Variants in AGBL4 observed in about 807,000 individuals in gnomAD.
AGBL4 encodes the protein cytosolic carboxypeptidase 6.
In AGBL4, 58 loss-of-function variants were observed where a neutral mutation model predicts 66.4. That is an observed-to-expected ratio of 0.87 (90% CI 0.71 to 1.09). The LOEUF (loss-of-function observed/expected upper bound fraction) is 1.09. AGBL4 is among the 50% of genes least tolerant of loss of function. AGBL4 has a pLI of 0.00. For missense variants in AGBL4, 579 were observed against 631.0 expected (o/e 0.92, Z 0.88); for synonymous variants, 234 against 222.9 (o/e 1.05, Z -0.44).
chr1:48,830,581 G>C (rs1470031971), intron 6 of AGBL4, among the ~76,000 whole-genome samples: 1 of 152,178 alleles, frequency 6.6e-6, no homozygotes, highest in Non-Finnish European at 1.5e-5. Flanking sequence ...ATGAACAAAT[G>C]GTTTAGATGC....
chr1:49,060,821 G>A (rs1053609907), intron 4 of AGBL4, among the ~76,000 whole-genome samples: 1 of 152,182 alleles, frequency 6.6e-6, no homozygotes, highest in Non-Finnish European at 1.5e-5. Context: ...GGGAATGCTT[G>A]TTCACTGAAC....
chr1:49,503,838 T>C (rs139660909), intron 3 of AGBL4, among the ~76,000 whole-genome samples: 1 of 152,242 alleles, frequency 6.6e-6, no homozygotes, highest in East Asian at 1.9e-4. Context: ...TGGCTCATAA[T>C]TGGAAGGGAC....
rs150256367 is a variant in AGBL4, at chr1:48,571,929, C to T, written c.1267+15075G>A. On this transcript the variant is annotated intron_variant, in intron 11 of 13. Transcript: ENST00000371839. ...CTCAAACAAGAAGCTACTCTGTCCT[C>T]TCTTGGGGAGGCAGAAGTGACAGAC... is the stretch of plus-strand genomic sequence containing the variant. Among the ~76,000 whole-genome samples, 9 of 152,268 alleles carry T rather than the reference C, an allele frequency of 5.9e-5. No individual in the cohort carries two copies. The East Asian group carries it at 7.7e-4, about 13-fold the overall frequency.
chr1:49,283,260 C>G (rs979330042), intron 3 of AGBL4, among the ~76,000 whole-genome samples: 2 of 152,180 alleles, frequency 1.3e-5, no homozygotes, highest in Non-Finnish European at 2.9e-5. Flanking sequence ...AGCAGGGGCA[C>G]ACTGACACCT....
intron 1 of AGBL4, among the ~76,000 whole-genome samples, chr1:49,862,343 A>G (rs1032350278): frequency 1.2e-5 from 1 of 83,884 alleles, no homozygotes; most frequent in Admixed American, 1.5e-4. Context: ...TTGATAATAC[A>G]TATAGGAGAC....
At position 48,736,430 on chromosome 1, in the gene AGBL4, C is replaced by T. The variant is rs1331180704; in HGVS notation, c.635-73189G>A. On this transcript the variant is annotated intron_variant, in intron 6 of 13. Coordinates refer to ENST00000371839, the MANE Select transcript of AGBL4 (RefSeq NM_032785.4). The surrounding 1 kb of genome is among the most constrained non-coding windows in gnomAD (Gnocchi z 4.0). Reference sequence around the variant, plus strand: ...CTGGTGCCATTTCTCCTCATCAACCCAAATCCCGCTTCCCAGATGGACCTG... The same window carrying T: ...CTGGTGCCATTTCTCCTCATCAACCTAAATCCCGCTTCCCAGATGGACCTG... The T allele has an allele frequency of 6.2e-7, 1 of 1,614,144 alleles. No individual in the cohort carries two copies. The highest frequency in any genetic ancestry group is 8.5e-7 in the Non-Finnish European group (1 of 1,180,032).
At chr1:49,908,368 T>C (rs1650478639) in intron 1 of AGBL4, among the ~76,000 whole-genome samples, 1 of 152,180 alleles carries the variant, frequency 6.6e-6, no homozygotes, top group Non-Finnish European at 1.5e-5. Context: ...TTCTTCTTGG[T>C]GCTGTCTTCA....
At chr1:49,691,932 A>G (rs1167234743) in intron 3 of AGBL4, among the ~76,000 whole-genome samples, 2 of 152,160 alleles carry the variant, frequency 1.3e-5, no homozygotes, top group Non-Finnish European at 2.9e-5. Flanking sequence ...CTCAGCCTGC[A>G]GATGGCCTAT....
intron 3 of AGBL4, among the ~76,000 whole-genome samples, chr1:49,303,978 A>T (rs916247867): frequency 3.3e-5 from 5 of 152,116 alleles, no homozygotes; most frequent in African/African-American, 1.2e-4. Context: ...GAAGCTCTTT[A>T]GTTTAATTAA....
intron 6 of AGBL4, among the ~76,000 whole-genome samples, chr1:48,798,125 T>A (rs1645731649): frequency 2.0e-5 from 3 of 152,178 alleles, no homozygotes; most frequent in African/African-American, 7.2e-5. Context: ...TTTTACCACA[T>A]CCATGCCAAC....
intron 3 of AGBL4, among the ~76,000 whole-genome samples, chr1:49,563,381 T>G (rs1382148022): frequency 6.6e-6 from 1 of 152,136 alleles, no homozygotes; most frequent in African/African-American, 2.4e-5. Context: ...ATCCCTGTCT[T>G]GTGCCAGTTT....
At chr1:48,777,447 G>A (rs1010180448) in intron 6 of AGBL4, among the ~76,000 whole-genome samples, 2 of 143,970 alleles carry the variant, frequency 1.4e-5, no homozygotes, top group African/African-American at 2.5e-5. Context: ...CACCCTCCCC[G>A]CGCCTTTCCC....
At chr1:49,107,247 C>T (rs1026356884) in intron 4 of AGBL4, among the ~76,000 whole-genome samples, 2 of 152,006 alleles carry the variant, frequency 1.3e-5, no homozygotes, top group African/African-American at 4.8e-5. Flanking sequence ...ATGAGATATT[C>T]AAAACTTTAG....
intron 3 of AGBL4, among the ~76,000 whole-genome samples, chr1:49,562,064 A>G (rs924644239): frequency 2.0e-5 from 3 of 152,100 alleles, no homozygotes; most frequent in Admixed American, 6.6e-5. Flanking sequence ...GCCAGTGATG[A>G]TGAGCATTTT....
At chr1:49,960,551 A>G (rs1334416086) in intron 1 of AGBL4, among the ~76,000 whole-genome samples, 1 of 152,092 alleles carries the variant, frequency 6.6e-6, no homozygotes, top group Admixed American at 6.6e-5. Context: ...TAAAATAGCT[A>G]GAAGGAAGAT....
intron 3 of AGBL4, among the ~76,000 whole-genome samples, chr1:49,603,831 C>T (rs1268509560): frequency 6.6e-6 from 1 of 151,802 alleles, no homozygotes; most frequent in African/African-American, 2.4e-5. Context: ...TTTTCCATTC[C>T]TGAGTTACTT....
intron 2 of AGBL4, among the ~76,000 whole-genome samples, chr1:49,747,085 G>A (rs1379859252): frequency 6.6e-6 from 1 of 152,134 alleles, no homozygotes; most frequent in Non-Finnish European, 1.5e-5. Flanking sequence ...TAGCATCTTT[G>A]AGTTAGTCAA....
rs1653575113 is a variant in AGBL4, at chr1:48,916,272, G to A, written c.595-49042C>T. ...GTACAGGGAAAATGGTTCCCCTGCA[G>A]TTAGAGCATAAACTTTCCCATCTGG... On this transcript the variant is annotated intron_variant, in intron 5 of 13. Coordinates refer to ENST00000371839, the MANE Select transcript of AGBL4 (RefSeq NM_032785.4). Among the ~76,000 whole-genome samples the A allele has an allele frequency of 2.6e-5, 4 of 152,198 alleles. No homozygotes were observed. In the South Asian group the frequency reaches 8.3e-4, roughly 31 times the overall value.
At chr1:48,922,893 G>C in intron 5 of AGBL4, among the ~76,000 whole-genome samples, 1 of 151,128 alleles carries the variant, frequency 6.6e-6, no homozygotes, top group African/African-American at 2.4e-5. Flanking sequence ...ATATATAAAT[G>C]ATATATAACT....
Sources: gnomAD v4.1 joint callset for allele counts (sites outside exome capture counted in the v4.1 genomes callset) on GRCh38, gnomAD v4.1.1 for gene constraint, Gnocchi (gnomAD v3.1) non-coding constraint, MANE v1.5 for transcripts, NCBI Gene and HGNC (gene_info 2026-07-23, HGNC 2026-07-21) for gene names.